ARHGAP15: variants seen among roughly 807,000 people sequenced by gnomAD.
The protein encoded by ARHGAP15 is Rho GTPase activating protein 15, also known as rho GTPase-activating protein 15.
Under a neutral mutation model 63.7 loss-of-function variants are expected in ARHGAP15, and 51 were observed. That is an observed-to-expected ratio of 0.80 (90% confidence interval 0.64 to 1.01). The LOEUF is 1.01. Among genes scored for constraint, ARHGAP15 ranks in the 50% least tolerant of loss-of-function variants. The pLI is 0.00. For synonymous variants in ARHGAP15, 191 were observed against 193.8 expected (o/e 0.99, Z 0.12); for missense variants, 560 against 564.6 (o/e 0.99, Z 0.08).
chr2:143,167,774 G>GGAGC (rs1386348885), intron 2 of ARHGAP15, among the ~76,000 whole-genome samples: 1 of 152,134 alleles, frequency 6.6e-6, no homozygotes, highest in African/African-American at 2.4e-5. Context: ...TTACCATCAA[G>GGAGC]TGGTGGCTCC....
intron 2 of ARHGAP15, among the ~76,000 whole-genome samples, chr2:143,171,039 T>G (rs1690757280): frequency 6.6e-6 from 1 of 152,006 alleles, no homozygotes; most frequent in Admixed American, 6.6e-5. Context: ...AAAACATTCC[T>G]GAAGACACAG....
At chr2:143,476,750 C>A (rs1691835123) in intron 8 of ARHGAP15, among the ~76,000 whole-genome samples, 1 of 152,180 alleles carries the variant, frequency 6.6e-6, no homozygotes, top group South Asian at 2.1e-4. Flanking sequence ...CAATATTTTG[C>A]AAACACATAG....
intron 6 of ARHGAP15, among the ~76,000 whole-genome samples, chr2:143,319,228 C>T (rs1210793688): frequency 3.6e-5 from 5 of 140,512 alleles, no homozygotes; most frequent in African/African-American, 1.0e-4. Flanking sequence ...TGGTTCCCGC[C>T]TTTTTTTTTT....
chr2:143,574,148 C>T (rs572747517), intron 11 of ARHGAP15, among the ~76,000 whole-genome samples: 2 of 152,182 alleles, frequency 1.3e-5, no homozygotes, highest in South Asian at 4.2e-4. Context: ...TGATCTCTAC[C>T]TCTGCAGCCA....
At chr2:143,753,137 C>T (rs13382253) in intron 13 of ARHGAP15, among the ~76,000 whole-genome samples, 4,669 of 152,218 alleles carry the variant, frequency 0.031, 230 homozygotes, top group African/African-American at 0.11. Flanking sequence ...AGAATAAGCT[C>T]GTCTCTTAAA....
intron 12 of ARHGAP15, among the ~76,000 whole-genome samples, chr2:143,639,547 A>C (rs1474755117): frequency 6.6e-6 from 1 of 152,158 alleles, no homozygotes; most frequent in African/African-American, 2.4e-5. Context: ...AAAATGCATC[A>C]CTAGAAGAAA....
intron 6 of ARHGAP15, among the ~76,000 whole-genome samples, chr2:143,428,079 C>T (rs1389161343): frequency 6.6e-6 from 1 of 152,018 alleles, no homozygotes; most frequent in Non-Finnish European, 1.5e-5. Flanking sequence ...GGCATTGCAA[C>T]ATAAACCAGT....
At chr2:143,286,606 A>C (rs948953817) in intron 6 of ARHGAP15, among the ~76,000 whole-genome samples, 2 of 152,218 alleles carry the variant, frequency 1.3e-5, no homozygotes, top group Admixed American at 1.3e-4. Context: ...TATTTTCTTC[A>C]GAAAAATTGC....
chr2:143,570,070 C>T (rs747097093), intron 11 of ARHGAP15, among the ~76,000 whole-genome samples: 25 of 152,104 alleles, frequency 1.6e-4, no homozygotes, highest in Non-Finnish European at 3.1e-4. Flanking sequence ...TAAGATGAGT[C>T]AATCCCATGA....
chr2:143,159,901 A>G (rs1303370208), intron 2 of ARHGAP15, among the ~76,000 whole-genome samples: 1 of 151,904 alleles, frequency 6.6e-6, no homozygotes, highest in South Asian at 2.1e-4. Context: ...CTGCATAAAG[A>G]TTATTAAAGC....
chr2:143,437,188 G>A, intron 8 of ARHGAP15, 146 bp downstream of exon 8: 1 of 888,054 alleles, frequency 1.1e-6, no homozygotes. Flanking sequence ...TTTGTGCACT[G>A]GAGGGCAGTC....
chr2:143,188,199 T>C lies in ARHGAP15; in HGVS notation c.166-13935T>C, dbSNP rs1455212168. On this transcript the variant is annotated intron_variant, in intron 2 of 13. Coordinates refer to ENST00000295095, the MANE Select transcript of ARHGAP15 (RefSeq NM_018460.4). ...ACCTCACAGCTTCTTCCCTTCCCTC[T>C]ATTGTTTCATCATAGTTTTTCACAA... Among the ~76,000 whole-genome samples the C allele has an allele frequency of 2.0e-5, 3 of 152,170 alleles. No homozygotes were observed. In the East Asian group the frequency reaches 5.8e-4, roughly 29 times the overall value.
chr2:143,579,169 G>A (rs183836021), intron 11 of ARHGAP15, among the ~76,000 whole-genome samples: 104 of 152,156 alleles, frequency 6.8e-4, no homozygotes, highest in African/African-American at 2.1e-3. Context: ...ACAATGTATC[G>A]CATAATTAAG....
chr2:143,651,269 T>TC (rs1451760515), intron 12 of ARHGAP15, among the ~76,000 whole-genome samples: 1 of 151,994 alleles, frequency 6.6e-6, no homozygotes, highest in Admixed American at 6.6e-5. Flanking sequence ...CCTAAATGTT[T>TC]CCCCACGCCC....
At chr2:143,162,811 C>G (rs996354868) in intron 2 of ARHGAP15, among the ~76,000 whole-genome samples, 7 of 151,970 alleles carry the variant, frequency 4.6e-5, no homozygotes, top group African/African-American at 1.7e-4. Context: ...TGTCACTTTA[C>G]ATACAATTGT....
chr2:143,694,866 C>T (rs1432618701), intron 12 of ARHGAP15, among the ~76,000 whole-genome samples: 4 of 151,716 alleles, frequency 2.6e-5, no homozygotes, highest in Non-Finnish European at 5.9e-5. Context: ...TATTTTTAAC[C>T]CAAAGACAGG....
At chr2:143,574,026 C>T (rs112419397) in intron 11 of ARHGAP15, among the ~76,000 whole-genome samples, 5,893 of 152,206 alleles carry the variant, frequency 0.039, 157 homozygotes, top group Non-Finnish European at 0.054. Context: ...AGTGGAGGTT[C>T]TAACCAAGGA....
intron 6 of ARHGAP15, among the ~76,000 whole-genome samples, chr2:143,364,647 G>T (rs189769272): frequency 6.6e-6 from 1 of 152,276 alleles, no homozygotes; most frequent in East Asian, 1.9e-4. Flanking sequence ...TGGTTTTGAA[G>T]TACGCACAGA....
intron 11 of ARHGAP15, among the ~76,000 whole-genome samples, chr2:143,577,366 G>A (rs1456354938): frequency 6.6e-6 from 1 of 152,016 alleles, no homozygotes. Flanking sequence ...GCACCATTAG[G>A]GAAACAAAGC....
Sources: gnomAD v4.1 joint callset for allele counts (sites outside exome capture counted in the v4.1 genomes callset) on GRCh38, gnomAD v4.1.1 for gene constraint, MANE v1.5 for transcripts, NCBI Gene and HGNC (gene_info 2026-07-23, HGNC 2026-07-21) for gene names.